Variants in CD2BP2 observed in about 807,000 individuals in gnomAD.
CD2BP2 encodes the protein CD2 antigen cytoplasmic tail-binding protein 2.
Under a neutral mutation model 35.9 loss-of-function variants are expected in CD2BP2, and 27 were observed. That is an observed-to-expected ratio of 0.75 (90% CI 0.55 to 1.04). The LOEUF is 1.04. CD2BP2 is among the 50% of genes least tolerant of loss of function. CD2BP2 has a pLI of 0.00. For missense variants in CD2BP2, 497 were observed against 444.3 expected, an observed-to-expected ratio of 1.12 and a Z score of -1.07; for synonymous variants, 213 against 173.5, an observed-to-expected ratio of 1.23 and a Z score of -1.79.
Position 30,352,744 on chromosome 16 carries a change from T to C in CD2BP2, c.*241A>G, listed in dbSNP as rs1340276591. 1 of 550,146 alleles carries C rather than the reference T, an allele frequency of 1.8e-6. No homozygotes were observed. Among genetic ancestry groups the C allele is most frequent in the Non-Finnish European group, 3.3e-6 (1 of 307,326 alleles). The allele number at this position is 550,146 out of a possible 1,614,324, so 34.1% of individuals were successfully genotyped here. Reference sequence around the variant, plus strand: ...GGCCACAGGATACCTGACAGGCACCTCCAAGAAGGATCTTCATGGGAGTAC... The same window carrying C: ...GGCCACAGGATACCTGACAGGCACCCCCAAGAAGGATCTTCATGGGAGTAC... On this transcript the variant is annotated 3_prime_UTR_variant, in exon 7 of 7. Coordinates refer to ENST00000305596, the MANE Select transcript of CD2BP2 (RefSeq NM_006110.3).
In CD2BP2 at chr16:30,354,327, G is replaced by C; in HGVS notation, c.79-5C>G. 1 of 1,608,576 alleles carries C rather than the reference G, an allele frequency of 6.2e-7. No homozygotes were observed. The highest frequency in any genetic ancestry group is 8.5e-7 in the Non-Finnish European group (1 of 1,178,252). On this transcript the variant is annotated splice_polypyrimidine_tract_variant and splice_region_variant and intron_variant, in intron 2 of 6. Coordinates refer to ENST00000305596, the MANE Select transcript of CD2BP2 (RefSeq NM_006110.3). ...CCCAGCCACAGGGTCCACCAGCTGT[G>C]AGCAGGAGCCAGAAAGTTGAGAAAT...
Position 30,353,242 on chromosome 16 carries a change from T to C in CD2BP2, c.854A>G (p.Tyr285Cys). ...GDGLVDVMWE[Y>C]KWENTGDAEL... ...GGCATCCCCCGTGTTCTCCCACTTATATTCCCACATCACATCCACCAGACC... is the reference window on the plus strand; with the variant it reads ...GGCATCCCCCGTGTTCTCCCACTTACATTCCCACATCACATCCACCAGACC... Residue 285 changes from tyrosine to cysteine, a missense_variant, in exon 6 of 7, where the codon TAT (tyrosine) becomes TGT (cysteine). Coordinates refer to ENST00000305596, the MANE Select transcript of CD2BP2 (RefSeq NM_006110.3). 1.9e-6 allele frequency: 3 copies of C among 1,614,194 alleles called. No individual in the cohort carries two copies. Among genetic ancestry groups the C allele is most frequent in the Non-Finnish European group, 1.7e-6 (2 of 1,180,028 alleles).
rs764398445 is a variant in CD2BP2 at position 30,353,222 on chromosome 16, C to T, written c.874G>A (p.Asp292Asn). 4 of 1,614,160 alleles carry T rather than the reference C, an allele frequency of 2.5e-6. No individual in the cohort carries two copies. The South Asian group carries it at 4.4e-5, about 18-fold the overall frequency. Residue 292 changes from aspartate to asparagine, a missense_variant, in exon 6 of 7, where the codon GAT becomes AAT. Asp to Asn is a conservative substitution (Grantham distance 23). Coordinates refer to ENST00000305596, the MANE Select transcript of CD2BP2 (RefSeq NM_006110.3). The part of the protein sequence containing the change: ...MWEYKWENTG[D>N]AELYGPFTSA... ...GTGAAGGGCCCATACAGCTCGGCAT[C>T]CCCCGTGTTCTCCCACTTATATTCC... is the stretch of plus-strand genomic sequence containing the variant.
chr16:30,354,538 C>T, intron 2 of CD2BP2, 66 bp downstream of exon 2: 3 of 1,557,736 alleles, frequency 1.9e-6, no homozygotes, highest in Admixed American at 1.7e-5. Flanking sequence ...CCTCTCCCGC[C>T]AGCTTTCTTC....
At position 30,354,431 on chromosome 16, in the gene CD2BP2, T is replaced by C. The variant is rs1037641553; in HGVS notation, c.79-109A>G. ...CCAAATATTTCAGGATCTCGACTAC[T>C]TCCCCAAATATTTCAGGAGCCACAC... is the stretch of plus-strand genomic sequence containing the variant. On this transcript the variant is annotated intron_variant, in intron 2 of 6. Coordinates refer to ENST00000305596, the MANE Select transcript of CD2BP2 (RefSeq NM_006110.3). The C allele has an allele frequency of 4.9e-6, 7 of 1,419,058 alleles. No homozygotes were observed. In the African/African-American group the frequency reaches 5.7e-5, roughly 12 times the overall value. The allele number at this position is 1,419,058 out of a possible 1,614,324, so 87.9% of individuals were successfully genotyped here. A position where few individuals can be genotyped will look rare whatever the true frequency, so the allele number is the denominator to read the frequency against.
At chr16:30,354,364 G>A (rs368423927) in intron 2 of CD2BP2, 42 bp from the exon 3 acceptor site, 55 of 1,591,642 alleles carry the variant, frequency 3.5e-5, no homozygotes, top group Non-Finnish European at 2.0e-5. Flanking sequence ...CAGGTTACTG[G>A]CTACCTCCCC....
chr16:30,353,654 T>TGCCCCAGC lies in CD2BP2; in HGVS notation c.514_521dup (p.Arg176GlyfsTer3). The TGCCCCAGC allele has an allele frequency of 6.2e-7, 1 of 1,613,034 alleles. No individual in the cohort carries two copies. The highest frequency in any genetic ancestry group is 8.5e-7 in the Non-Finnish European group (1 of 1,179,760). Reference sequence around the variant, plus strand: ...CTCCTCGGGCCCCCAGACGCCTCAGTGCCCCAGCCACTGTCTCTCTAGGCA... The same window carrying TGCCCCAGC: ...CTCCTCGGGCCCCCAGACGCCTCAGTGCCCCAGCGCCCCAGCCACTGTCTCTCTAGGCA... On this transcript the variant is annotated frameshift_variant, in exon 5 of 7. Coordinates refer to ENST00000305596, the MANE Select transcript of CD2BP2 (RefSeq NM_006110.3). LOFTEE classifies it high-confidence loss of function.
Position 30,354,986 on chromosome 16 carries a change from G to A in CD2BP2, c.-27+226C>T, listed in dbSNP as rs527905497. On this transcript the variant is annotated intron_variant, in intron 1 of 6. Coordinates refer to ENST00000305596, the MANE Select transcript of CD2BP2 (RefSeq NM_006110.3). ...CACCACGTGACCGCCCCCAACTCCA[G>A]CCCCCGCAGTCTGCGCGCCACCGGC... 3 of 340,996 alleles carry A rather than the reference G, an allele frequency of 8.8e-6. No individual in the cohort carries two copies. In the South Asian group the frequency reaches 9.9e-5, roughly 11 times the overall value. The allele number at this position is 340,996 out of a possible 1,614,324, so 21.1% of individuals were successfully genotyped here.
intron 3 of CD2BP2, 24 bp downstream of exon 3, chr16:30,354,160 A>G (rs905186885): frequency 4.3e-6 from 7 of 1,613,502 alleles, no homozygotes; most frequent in Non-Finnish European, 5.9e-6. Context: ...TTTCCAGCAG[A>G]GTGTATTCTT....
chr16:30,354,972 C>T (rs1364905976), intron 1 of CD2BP2: 2 of 381,598 alleles, frequency 5.2e-6, no homozygotes, highest in South Asian at 2.9e-5. Context: ...ACCACGTGAC[C>T]GCCCCCAACT....
Position 30,354,208 on chromosome 16 carries a change from T to C in CD2BP2, c.193A>G (p.Ile65Val), listed in dbSNP as rs1297882112. The part of the protein sequence containing the change: ...DDDGGSSKYD[I>V]LASEDVEGQE... Reference sequence around the variant, plus strand: ...CCTTCTACATCCTCTGAGGCCAAGATGTCATATTTGCTGGACCCCCCATCA... The same window carrying C: ...CCTTCTACATCCTCTGAGGCCAAGACGTCATATTTGCTGGACCCCCCATCA... Residue 65 changes from isoleucine to valine, a missense_variant, in exon 3 of 7, where the codon ATC (isoleucine) becomes GTC (valine). By Grantham distance (29) the Ile-to-Val change is conservative. Transcript: ENST00000305596. The C allele has an allele frequency of 1.2e-6, 2 of 1,613,964 alleles. No individual in the cohort carries two copies. Among genetic ancestry groups the C allele is most frequent in the African/African-American group, 1.3e-5 (1 of 74,884 alleles).
chr16:30,352,662 G>A lies in CD2BP2; in HGVS notation c.*323C>T, dbSNP rs757235127. 3.5e-5 allele frequency: 11 copies of A among 311,480 alleles called. No homozygotes were observed. Among genetic ancestry groups the A allele is most frequent in the African/African-American group, 1.1e-4 (5 of 47,584 alleles). 19.3% of individuals were successfully genotyped at this position (311,480 alleles called of 1,614,324 possible). On this transcript the variant is annotated 3_prime_UTR_variant, in exon 7 of 7. Coordinates refer to ENST00000305596, the MANE Select transcript of CD2BP2 (RefSeq NM_006110.3). ...GAATCGAACAAGAAACCTGGGAGAG[G>A]AGCACAGAGCAGCGCAGTTGGGGGT...
In CD2BP2 at chr16:30,353,076, T is replaced by C; in HGVS notation, c.935A>G (p.Tyr312Cys). 2 of 1,613,838 alleles carry C rather than the reference T, an allele frequency of 1.2e-6. No individual in the cohort carries two copies. The highest frequency in any genetic ancestry group is 1.7e-6 in the Non-Finnish European group (2 of 1,179,874). Residue 312 changes from tyrosine to cysteine, a missense_variant, in exon 7 of 7, where the codon TAC becomes TGC. Coordinates refer to ENST00000305596, the MANE Select transcript of CD2BP2 (RefSeq NM_006110.3). ...AQMQTWVSEGYFPDGVYCRKL... is the reference protein window; with the variant it reads ...AQMQTWVSEGCFPDGVYCRKL... ...CCGGCAATAAACACCGTCCGGGAAGTAGCCTTCACTCACCCAGGTCTGCAA... is the reference window on the plus strand; with the variant it reads ...CCGGCAATAAACACCGTCCGGGAAGCAGCCTTCACTCACCCAGGTCTGCAA...
At chr16:30,354,453 A>T (rs1666999776) in intron 2 of CD2BP2, 131 bp from the exon 3 acceptor site, 1 of 1,355,752 alleles carries the variant, frequency 7.4e-7, no homozygotes, top group Admixed American at 2.1e-5. Context: ...TTCAGGAGCC[A>T]CACTAAAGAC....
chr16:30,354,200 G>A lies in CD2BP2; in HGVS notation c.201C>T (p.Ala67=), dbSNP rs748870902. 6 of 1,613,940 alleles carry A rather than the reference G, an allele frequency of 3.7e-6. No homozygotes were observed. The highest frequency in any genetic ancestry group is 1.6e-4 in the Middle Eastern group (1 of 6,084). Reference sequence around the variant, plus strand: ...ACAGCTTACCTTCTACATCCTCTGAGGCCAAGATGTCATATTTGCTGGACC... The same window carrying A: ...ACAGCTTACCTTCTACATCCTCTGAAGCCAAGATGTCATATTTGCTGGACC... ...DGGSSKYDIL[A]SEDVEGQEAA... The change falls in exon 3 of 7, where the codon GCC becomes GCT. Residue 67 remains alanine (A), a synonymous_variant. Transcript: ENST00000305596.
In CD2BP2 at chr16:30,353,695, G is replaced by A. The variant is rs2049505889; in HGVS notation, c.481C>T (p.Leu161Phe). The A allele has an allele frequency of 3.1e-6, 5 of 1,613,718 alleles. No homozygotes were observed. Among genetic ancestry groups the A allele is most frequent in the Non-Finnish European group, 4.2e-6 (5 of 1,179,956 alleles). The part of the protein sequence containing the change: ...SMSAQALLEG[L>F]LELLLPRETV... ...TCTCTAGGCAATAGGAGCTCCAAAA[G>A]TCCCTCCAAGAGGGCTTGGGCACTC... Residue 161 changes from leucine (L) to phenylalanine (F), a missense_variant, in exon 5 of 7, where the codon CTT becomes TTT. Coordinates refer to ENST00000305596, the MANE Select transcript of CD2BP2 (RefSeq NM_006110.3).
rs894343770 is a variant in CD2BP2, at chr16:30,354,550, T to C, written c.78+54A>G. The C allele has an allele frequency of 2.2e-5, 35 of 1,576,140 alleles. 1 individual carries two copies. The East Asian group carries it at 6.9e-4, about 31-fold the overall frequency. ...GCCCCTCTCCCGCCAGCTTTCTTCCTCTTCAGGCTTCTAGCTCCTCTTTCC... is the reference window on the plus strand; with the variant it reads ...GCCCCTCTCCCGCCAGCTTTCTTCCCCTTCAGGCTTCTAGCTCCTCTTTCC... On this transcript the variant is annotated intron_variant, in intron 2 of 6. Coordinates refer to ENST00000305596, the MANE Select transcript of CD2BP2 (RefSeq NM_006110.3).
rs1417364105 is a variant in CD2BP2 at position 30,353,646 on chromosome 16, C to T, written c.530G>A (p.Arg177His). ...TTTGCCTCCTCCTCGGGCCCCCAGA[C>T]GCCTCAGTGCCCCAGCCACTGTCTC... The part of the protein sequence containing the change: ...PRETVAGALR[R>H]LGARGGGKGR... The change falls in exon 5 of 7, where the codon CGT (arginine) becomes CAT (histidine). Residue 177 changes from arginine to histidine, a missense_variant. By Grantham distance (29) the Arg-to-His change is conservative. Transcript: ENST00000305596. 12 of 1,613,516 alleles carry T rather than the reference C, an allele frequency of 7.4e-6. No individual in the cohort carries two copies. The highest frequency in any genetic ancestry group is 4.0e-5 in the African/African-American group (3 of 75,056).
chr16:30,354,528 C>T, intron 2 of CD2BP2, 76 bp downstream of exon 2: 2 of 1,524,412 alleles, frequency 1.3e-6, no homozygotes. Context: ...CCGCCCCGCC[C>T]CTCTCCCGCC....
Sources: allele counts gnomAD v4.1 joint callset, GRCh38; gene constraint gnomAD v4.1.1; transcripts MANE v1.5; gene names NCBI Gene and HGNC (gene_info 2026-07-23, HGNC 2026-07-21).